Variants in BCKDHB observed in about 807,000 individuals in gnomAD.
The protein encoded by BCKDHB is 2-oxoisovalerate dehydrogenase subunit beta, mitochondrial.
Under a neutral mutation model 48.5 loss-of-function variants are expected in BCKDHB, and 41 were observed. The ratio of observed to expected loss-of-function variants is 0.85; its 90% CI spans 0.66 to 1.10. The LOEUF is 1.10. Ranked by LOEUF, BCKDHB falls within the 50% of genes least tolerant of loss-of-function variation. The pLI, the probability that BCKDHB is intolerant of heterozygous loss-of-function variation, is 0.00. For missense variants in BCKDHB, 496 were observed against 494.2 expected (o/e 1.00, Z -0.03); for synonymous variants, 201 against 174.8 (o/e 1.15, Z -1.18).
rs66560352 is a variant in BCKDHB, at chr6:80,159,482, G to A, written c.344-8196G>A. Among the ~76,000 whole-genome samples the A allele has an allele frequency of 1.8e-3, 270 of 152,060 alleles. 1 individual carries two copies. Among genetic ancestry groups the A allele is most frequent in the African/African-American group, 6.1e-3 (253 of 41,470 alleles). On this transcript the variant is annotated intron_variant, in intron 3 of 9. Transcript: ENST00000320393. ...CTACTTAGTAATTTTTTAAATTTGCGTGCATATTCATTATTTAAGCATTTT... is the reference window on the plus strand; with the variant it reads ...CTACTTAGTAATTTTTTAAATTTGCATGCATATTCATTATTTAAGCATTTT...
intron 1 of BCKDHB, among the ~76,000 whole-genome samples, chr6:80,120,178 A>G (rs1299328711): frequency 1.3e-5 from 2 of 152,196 alleles, no homozygotes; most frequent in Admixed American, 6.5e-5. Flanking sequence ...ATGTCCCTGC[A>G]AAGGACATGA....
At chr6:80,273,099 T>C in intron 8 of BCKDHB, 36 bp from the exon 9 acceptor site, 2 of 1,495,514 alleles carry the variant, frequency 1.3e-6, no homozygotes, top group Non-Finnish European at 1.9e-6. Flanking sequence ...AAAATAGATA[T>C]TCTTTTTAAC....
At position 80,141,051 on chromosome 6, in the gene BCKDHB, G is replaced by T. The variant is rs369313613; in HGVS notation, c.343+11822G>T. On this transcript the variant is annotated intron_variant, in intron 3 of 9. Coordinates refer to ENST00000320393, the MANE Select transcript of BCKDHB (RefSeq NM_183050.4). ...GTCTTGGGAGAGTGTACGTGTCCAG[G>T]AATTTATCCATTTCTTCTAGATTTT... 1.1e-3 allele frequency among the ~76,000 whole-genome samples: 165 copies of T among 152,246 alleles called. No homozygotes were observed. The Middle Eastern group carries it at 0.014, about 13-fold the overall frequency.
chr6:80,249,423 A>T (rs1050255674), intron 8 of BCKDHB, among the ~76,000 whole-genome samples: 7 of 147,446 alleles, frequency 4.7e-5, no homozygotes, highest in Non-Finnish European at 8.9e-5. Context: ...TTTTACCATT[A>T]AAAAAAAAAT....
chr6:80,241,163 A>G (rs778980708), intron 8 of BCKDHB, among the ~76,000 whole-genome samples: 1 of 151,916 alleles, frequency 6.6e-6, no homozygotes, highest in African/African-American at 2.4e-5. Flanking sequence ...ATCTTTTTTC[A>G]AGGTTTTAGC....
intron 8 of BCKDHB, among the ~76,000 whole-genome samples, chr6:80,225,007 C>T (rs988948524): frequency 1.3e-5 from 2 of 152,196 alleles, no homozygotes; most frequent in Non-Finnish European, 2.9e-5. Context: ...TTGCCTTTCT[C>T]TAACTTCCAC....
At chr6:80,426,365 T>C in the BCKDHB span, among the ~76,000 whole-genome samples, 1 of 152,104 alleles carries the variant, frequency 6.6e-6, no homozygotes, top group Non-Finnish European at 1.5e-5. Flanking sequence ...CTTCTTCTCT[T>C]TTATTTGGGT....
the BCKDHB span, among the ~76,000 whole-genome samples, chr6:80,438,652 A>T: frequency 6.6e-6 from 1 of 152,222 alleles, no homozygotes; most frequent in Non-Finnish European, 1.5e-5. Context: ...AAATTAAAAT[A>T]TACACTTGTG....
rs567364683 is a variant in BCKDHB at position 80,164,029 on chromosome 6, A to G, written c.344-3649A>G. On this transcript the variant is annotated intron_variant, in intron 3 of 9. Transcript: ENST00000320393. Reference sequence around the variant, plus strand: ...CAATCTTGCTGTGTCCACCCTTGCTATTGACAGGCTATTCACCAAATACGA... The same window carrying G: ...CAATCTTGCTGTGTCCACCCTTGCTGTTGACAGGCTATTCACCAAATACGA... Among the ~76,000 whole-genome samples, 10 of 152,300 alleles carry G rather than the reference A, an allele frequency of 6.6e-5. No individual in the cohort carries two copies. In the East Asian group the frequency reaches 1.7e-3, roughly 26 times the overall value.
chr6:80,406,217 G>A, the BCKDHB span, among the ~76,000 whole-genome samples: 1 of 152,182 alleles, frequency 6.6e-6, no homozygotes, highest in Non-Finnish European at 1.5e-5. Flanking sequence ...TCTTAATCCA[G>A]TCTATCATTG....
chr6:80,303,979 ATTATT>A (rs1376230251), intron 9 of BCKDHB, among the ~76,000 whole-genome samples: 4 of 152,158 alleles, frequency 2.6e-5, no homozygotes, highest in African/African-American at 9.7e-5. Flanking sequence ...GAAATGAAAG[ATTATT>A]TTATGTGAAT....
chr6:80,197,934 TCATCCATCCATCCATCCATCCATC>T (rs10651030), intron 6 of BCKDHB, among the ~76,000 whole-genome samples: 54 of 148,978 alleles, frequency 3.6e-4, no homozygotes, highest in Middle Eastern at 6.8e-3. Context: ...ATCCATCTGT[TCATCCATCCATCCATCCATCCATC>T]CATCCATCCA....
At chr6:80,148,145 T>G (rs1238358798) in intron 3 of BCKDHB, among the ~76,000 whole-genome samples, 1 of 152,182 alleles carries the variant, frequency 6.6e-6, no homozygotes, top group East Asian at 1.9e-4. Context: ...TCTGAAATGC[T>G]TGATTATACT....
the BCKDHB span, among the ~76,000 whole-genome samples, chr6:80,428,492 T>A: frequency 6.6e-6 from 1 of 152,182 alleles, no homozygotes; most frequent in Non-Finnish European, 1.5e-5. Context: ...CCACCAACAG[T>A]GTGAAAGTGT....
intron 1 of BCKDHB, among the ~76,000 whole-genome samples, chr6:80,108,452 A>G (rs1769241234): frequency 6.6e-6 from 1 of 151,766 alleles, no homozygotes; most frequent in African/African-American, 2.4e-5. Flanking sequence ...AATCTAAGTA[A>G]AATGATATCA....
At chr6:80,351,075 T>C (rs1420042324), downstream of BCKDHB, among the ~76,000 whole-genome samples, 1 of 152,186 alleles carries the variant, frequency 6.6e-6, no homozygotes, top group East Asian at 1.9e-4. Context: ...TAAAATGATA[T>C]TATGTACATT....
chr6:80,296,595 T>G (rs184461909), intron 9 of BCKDHB, among the ~76,000 whole-genome samples: 1 of 152,228 alleles, frequency 6.6e-6, no homozygotes, highest in Admixed American at 6.5e-5. Context: ...CAAATCTGTT[T>G]AACCTTAATT....
At chr6:80,312,933 T>C (rs1768241273) in intron 9 of BCKDHB, among the ~76,000 whole-genome samples, 1 of 150,818 alleles carries the variant, frequency 6.6e-6, no homozygotes, top group African/African-American at 2.5e-5. Flanking sequence ...AGGATGATGC[T>C]GGCCTCATAG....
the BCKDHB span, among the ~76,000 whole-genome samples, chr6:80,408,849 G>A: frequency 3.4e-5 from 5 of 148,856 alleles, no homozygotes; most frequent in African/African-American, 4.9e-5. Context: ...TTTTTTTGAA[G>A]GGTTTTTTGT....
Sources: allele counts gnomAD v4.1 joint callset (sites outside exome capture counted in the v4.1 genomes callset), GRCh38; gene constraint gnomAD v4.1.1; transcripts MANE v1.5; gene names NCBI Gene and HGNC (gene_info 2026-07-23, HGNC 2026-07-21).